Variants in PCDHA1 observed in about 807,000 individuals in gnomAD.
PCDHA1 encodes the protein protocadherin alpha 1, also known as protocadherin alpha-1.
PCDHA1 carries 42 observed loss-of-function variants against 61.3 expected under a neutral mutation model. That is an observed-to-expected ratio of 0.69 (90% CI 0.54 to 0.89). The LOEUF (loss-of-function observed/expected upper bound fraction) is 0.89. Among genes scored for constraint, PCDHA1 ranks in the 40% least tolerant of loss-of-function variants. The pLI, the probability that PCDHA1 is intolerant of heterozygous loss-of-function variation, is 0.00. For missense variants in PCDHA1, 1,256 were observed against 1,235.3 expected, an observed-to-expected ratio of 1.02 and a Z score of -0.25; for synonymous variants, 610 against 553.8, an observed-to-expected ratio of 1.10 and a Z score of -1.43.
intron 1 of PCDHA1, among the ~76,000 whole-genome samples, chr5:140,921,323 G>C (rs192159885): frequency 7.2e-4 from 109 of 151,970 alleles, no homozygotes; most frequent in African/African-American, 2.6e-3. Context: ...GAGCTAATCT[G>C]TCTGGTCCAA....
intron 1 of PCDHA1, chr5:140,848,835 C>T: frequency 6.3e-7 from 1 of 1,590,448 alleles, no homozygotes; most frequent in African/African-American, 1.4e-5. Context: ...AGACAGGCCG[C>T]TGCAGGTTTT....
intron 1 of PCDHA1, among the ~76,000 whole-genome samples, chr5:140,832,543 A>T (rs1469117673): frequency 6.6e-6 from 1 of 152,226 alleles, no homozygotes; most frequent in Non-Finnish European, 1.5e-5. Context: ...TGTGTAGCTA[A>T]TGATATCTAA....
At chr5:140,824,875 A>C (rs1229928755) in intron 1 of PCDHA1, 16 of 152,018 alleles carry the variant, frequency 1.1e-4, no homozygotes, top group African/African-American at 3.9e-4. Flanking sequence ...TTTTTGCAGC[A>C]TATGGTTTAT....
chr5:140,865,376 G>A (rs1554159396), intron 1 of PCDHA1: 1 of 152,162 alleles, frequency 6.6e-6, no homozygotes, highest in African/African-American at 2.4e-5. Context: ...CATGTTATAG[G>A]TAGGGTAAAG....
chr5:140,828,966 A>G (rs1770053880), intron 1 of PCDHA1: 5 of 1,614,098 alleles, frequency 3.1e-6, no homozygotes, highest in African/African-American at 1.3e-5. Context: ...GTTATTGACC[A>G]CTTTAGCATA....
At position 140,953,880 on chromosome 5, in the gene PCDHA1, C is replaced by T. The variant is rs56350351; in HGVS notation, c.2395-25069C>T. On this transcript the variant is annotated intron_variant, in intron 1 of 3. Coordinates refer to ENST00000504120, the MANE Select transcript of PCDHA1 (RefSeq NM_018900.4). ...TGGTGGTTTGCTGCACAGATCAACCCATCACCTAGGTATTAAGCCCAGCAT... is the reference window on the plus strand; with the variant it reads ...TGGTGGTTTGCTGCACAGATCAACCTATCACCTAGGTATTAAGCCCAGCAT... Among the ~76,000 whole-genome samples, 609 of 152,246 alleles carry T rather than the reference C, an allele frequency of 4.0e-3. 7 individuals are homozygous for T. Among genetic ancestry groups the T allele is most frequent in the African/African-American group, 0.014 (577 of 41,548 alleles).
intron 1 of PCDHA1, chr5:140,825,430 TATA>T (rs1335934373): frequency 1.4e-5 from 2 of 147,522 alleles, no homozygotes; most frequent in Admixed American, 1.4e-4. Context: ...ATATAATAAA[TATA>T]TAATAATAAT....
chr5:140,836,427 G>A (rs2150260736), intron 1 of PCDHA1: 1 of 1,613,858 alleles, frequency 6.2e-7, no homozygotes, highest in South Asian at 1.1e-5. Flanking sequence ...GTCGTCGCGG[G>A]CATCGTTGGG....
At chr5:140,990,011 G>T (rs1246081885) in intron 3 of PCDHA1, among the ~76,000 whole-genome samples, 1 of 152,074 alleles carries the variant, frequency 6.6e-6, no homozygotes, top group Non-Finnish European at 1.5e-5. Context: ...CAAGGGCGTG[G>T]GCTAGGCAAA....
rs1053953271 is a variant in PCDHA1 at position 140,853,589 on chromosome 5, C to G, written c.2394+64905C>G. 1.4e-5 allele frequency: 14 copies of G among 986,246 alleles called. 3 individuals are homozygous for G. The highest frequency in any genetic ancestry group is 1.7e-5 in the Non-Finnish European group (14 of 818,496). 61.1% of individuals were successfully genotyped at this position (986,246 alleles called of 1,614,324 possible). A position where few individuals can be genotyped will look rare whatever the true frequency, so the allele number is the denominator to read the frequency against. The stretch of plus-strand genomic sequence containing the variant: ...AAGTTGTCACCCAATATCTTAGACA[C>G]TTTGAGAGCAAAGGGGGTGCTGTAA... On this transcript the variant is annotated intron_variant, in intron 1 of 3. Coordinates refer to ENST00000504120, the MANE Select transcript of PCDHA1 (RefSeq NM_018900.4).
Position 141,009,767 on chromosome 5 carries a change from G to T in PCDHA1, c.2683G>T (p.Ala895Ser). ...PDKFIIPGSP[A>S]IISIRQEPTN... is the part of the protein sequence containing the mutation. Reference sequence around the variant, plus strand: ...CAAATTCATTATCCCAGGATCTCCTGCAATCATCTCCATCCGGCAGGAGCC... The same window carrying T: ...CAAATTCATTATCCCAGGATCTCCTTCAATCATCTCCATCCGGCAGGAGCC... The change falls in exon 4 of 4, where the codon GCA becomes TCA. Residue 895 changes from alanine to serine, a missense_variant. Coordinates refer to ENST00000504120, the MANE Select transcript of PCDHA1 (RefSeq NM_018900.4). 1 of 1,614,108 alleles carries T rather than the reference G, an allele frequency of 6.2e-7. No individual in the cohort carries two copies. Among genetic ancestry groups the T allele is most frequent in the South Asian group, 1.1e-5 (1 of 91,072 alleles).
intron 1 of PCDHA1, chr5:140,801,460 C>A: frequency 6.2e-7 from 1 of 1,614,026 alleles, no homozygotes; most frequent in Non-Finnish European, 8.5e-7. Context: ...TTTGTGAATT[C>A]TCGGATAGAC....
At position 140,928,256 on chromosome 5, in the gene PCDHA1, CT is replaced by C. The variant is rs1563103175; in HGVS notation, c.2395-50692del. 2.5e-6 allele frequency: 4 copies of C among 1,614,234 alleles called. No homozygotes were observed. The Admixed American group carries it at 6.7e-5, about 27-fold the overall frequency. On this transcript the variant is annotated intron_variant, in intron 1 of 3. Transcript: ENST00000504120. ...CAACCCCAGCAGGAACTTTTCGTTG[CT>C]GAAAACAATGGCCCTGGGGCCTCTC... is the stretch of plus-strand genomic sequence containing the variant.
At position 140,813,701 on chromosome 5, in the gene PCDHA1, T is replaced by A. The variant is rs1357326463; in HGVS notation, c.2394+25017T>A. The A allele has an allele frequency of 2.6e-5, 4 of 152,292 alleles. No individual in the cohort carries two copies. In the East Asian group the frequency reaches 7.7e-4, roughly 29 times the overall value. 9.4% of individuals were successfully genotyped at this position (152,292 alleles called of 1,614,324 possible). A position where few individuals can be genotyped will look rare whatever the true frequency, so the allele number is the denominator to read the frequency against. ...AGGCTACACTCAATTTATCAAAAAA[T>A]TTTCTTTTTACAGGCTGGTCATGGT... On this transcript the variant is annotated intron_variant, in intron 1 of 3. Transcript: ENST00000504120.
intron 1 of PCDHA1, chr5:140,928,175 G>A (rs782432136): frequency 6.8e-6 from 11 of 1,614,032 alleles, no homozygotes; most frequent in African/African-American, 1.3e-5. Flanking sequence ...CTTAGCACCC[G>A]AAGGACAATC....
chr5:140,984,086 A>C (rs187283969), intron 3 of PCDHA1, among the ~76,000 whole-genome samples: 1 of 152,356 alleles, frequency 6.6e-6, no homozygotes, highest in Admixed American at 6.5e-5. Flanking sequence ...GGAGTGAAGA[A>C]ATGATGGAGG....
chr5:140,883,393 C>G, intron 1 of PCDHA1: 1 of 1,614,160 alleles, frequency 6.2e-7, no homozygotes, highest in South Asian at 1.1e-5. Context: ...TCAGTGTGTC[C>G]GATCGTGACT....
intron 1 of PCDHA1, chr5:140,802,217 T>A (rs1554121954): frequency 1.2e-6 from 2 of 1,614,160 alleles, no homozygotes; most frequent in South Asian, 2.2e-5. Flanking sequence ...TACTCGAAAT[T>A]GTGGACATCA....
At chr5:140,837,849 A>C (rs957584750) in intron 1 of PCDHA1, among the ~76,000 whole-genome samples, 1 of 150,852 alleles carries the variant, frequency 6.6e-6, no homozygotes, top group Non-Finnish European at 1.5e-5. Flanking sequence ...GGCTAATTTT[A>C]TTTTATTTTT....
Sources: allele counts gnomAD v4.1 joint callset (sites outside exome capture counted in the v4.1 genomes callset), GRCh38; gene constraint gnomAD v4.1.1; transcripts MANE v1.5; gene names NCBI Gene and HGNC (gene_info 2026-07-23, HGNC 2026-07-21).